The following CHRM3 variants were observed in gnomAD, a reference collection of about 807,000 sequenced individuals.
The protein encoded by CHRM3 is muscarinic acetylcholine receptor M3.
A neutral mutation model predicts 41.8 loss-of-function variants in CHRM3; 11 were observed. That is an observed-to-expected ratio of 0.26 (90% CI 0.17 to 0.44). CHRM3 has a LOEUF of 0.44. Ranked by LOEUF, CHRM3 falls within the 20% of genes least tolerant of loss-of-function variation. The pLI is 1.00. For synonymous variants in CHRM3, 297 were observed against 301.4 expected (o/e 0.99, Z 0.15); for missense variants, 571 against 745.4 (o/e 0.77, Z 2.72).
chr1:239,644,067 A>G (rs933383915), intron 4 of CHRM3, among the ~76,000 whole-genome samples: 3 of 152,206 alleles, frequency 2.0e-5, no homozygotes, highest in Non-Finnish European at 2.9e-5. Flanking sequence ...TCATTGACAA[A>G]TGTGATGTTG....
chr1:239,685,900 G>A (rs1341087626), intron 5 of CHRM3, among the ~76,000 whole-genome samples: 5 of 151,830 alleles, frequency 3.3e-5, no homozygotes, highest in African/African-American at 1.2e-4. Context: ...CCCTGTCACT[G>A]CCTCCTGCCA....
At chr1:239,536,915 C>T (rs1558300132) in intron 2 of CHRM3, among the ~76,000 whole-genome samples, 1 of 152,158 alleles carries the variant, frequency 6.6e-6, no homozygotes, top group African/African-American at 2.4e-5. Flanking sequence ...TGATAGAAAG[C>T]TTCACATTCC....
At chr1:239,438,879 C>T (rs1161521181) in intron 1 of CHRM3, among the ~76,000 whole-genome samples, 3 of 152,044 alleles carry the variant, frequency 2.0e-5, no homozygotes, top group Non-Finnish European at 4.4e-5. Flanking sequence ...AAATGTGCAC[C>T]AGTCATTAAA....
At chr1:239,889,262 C>G (rs779403084) in intron 6 of CHRM3, among the ~76,000 whole-genome samples, 24 of 152,032 alleles carry the variant, frequency 1.6e-4, no homozygotes, top group African/African-American at 5.3e-4. Context: ...GCTTAGGGCA[C>G]GAAAAACTGG....
intron 5 of CHRM3, among the ~76,000 whole-genome samples, chr1:239,731,642 A>G (rs750985386): frequency 1.3e-5 from 2 of 151,964 alleles, no homozygotes; most frequent in African/African-American, 2.4e-5. Flanking sequence ...GTGAATGTAT[A>G]TGGAAACTGT....
chr1:239,480,805 G>A (rs1015088755), intron 1 of CHRM3, among the ~76,000 whole-genome samples: 11 of 151,868 alleles, frequency 7.2e-5, no homozygotes, highest in Admixed American at 1.3e-4. Context: ...TGATCTGCCC[G>A]CCTCGGCCTC....
intron 3 of CHRM3, among the ~76,000 whole-genome samples, chr1:239,619,869 G>T (rs1668166588): frequency 6.6e-6 from 1 of 152,038 alleles, no homozygotes; most frequent in Non-Finnish European, 1.5e-5. Flanking sequence ...GAGATTCATG[G>T]ACTATAATTA....
At chr1:239,852,417 G>A (rs144205682) in intron 6 of CHRM3, among the ~76,000 whole-genome samples, 39 of 152,212 alleles carry the variant, frequency 2.6e-4, no homozygotes, top group African/African-American at 8.9e-4. Context: ...TGACATGCTT[G>A]TGCATGTGTA....
chr1:239,756,052 A>G (rs1666217868), intron 5 of CHRM3, among the ~76,000 whole-genome samples: 1 of 152,200 alleles, frequency 6.6e-6, no homozygotes, highest in African/African-American at 2.4e-5. Context: ...AAAAAACAAC[A>G]AATTCTCTAG....
At chr1:239,896,054 C>T (rs940356548) in intron 6 of CHRM3, among the ~76,000 whole-genome samples, 1 of 152,192 alleles carries the variant, frequency 6.6e-6, no homozygotes, top group Non-Finnish European at 1.5e-5. Context: ...CTGGGAAAGA[C>T]ATTTATGCTA....
intron 4 of CHRM3, among the ~76,000 whole-genome samples, chr1:239,676,823 A>C (rs1263362474): frequency 6.6e-6 from 1 of 152,212 alleles, no homozygotes; most frequent in African/African-American, 2.4e-5. Flanking sequence ...TCAAATTCTG[A>C]AAATTCTTGG....
At chr1:239,694,952 C>T (rs1158214050) in intron 5 of CHRM3, among the ~76,000 whole-genome samples, 2 of 146,120 alleles carry the variant, frequency 1.4e-5, no homozygotes, top group Non-Finnish European at 3.0e-5. Context: ...AAAAAATGAA[C>T]CATAGAAATG....
chr1:239,633,788 A>G (rs962399608), intron 4 of CHRM3, among the ~76,000 whole-genome samples: 3 of 151,830 alleles, frequency 2.0e-5, no homozygotes, highest in Non-Finnish European at 4.4e-5. Context: ...AGGAAGATAA[A>G]ATGAGCTTGA....
intron 6 of CHRM3, among the ~76,000 whole-genome samples, chr1:239,869,470 C>G (rs182717061): frequency 7.8e-4 from 119 of 152,140 alleles, no homozygotes; most frequent in Middle Eastern, 6.8e-3. Context: ...ATTTGTTCAC[C>G]CTGTGGCCTA....
chr1:239,845,121 C>T (rs1025785359), intron 6 of CHRM3, among the ~76,000 whole-genome samples: 1 of 152,118 alleles, frequency 6.6e-6, no homozygotes, highest in Non-Finnish European at 1.5e-5. Flanking sequence ...TTTTCCATTA[C>T]ACTCTACTTA....
At chr1:239,627,631 C>A (rs1286295230) in intron 3 of CHRM3, among the ~76,000 whole-genome samples, 1 of 144,404 alleles carries the variant, frequency 6.9e-6, no homozygotes, top group East Asian at 2.0e-4. Context: ...GATTTTGCAG[C>A]GGCTGGTACC....
chr1:239,644,137 A>G (rs2148937114), intron 4 of CHRM3, among the ~76,000 whole-genome samples: 1 of 152,336 alleles, frequency 6.6e-6, no homozygotes, highest in African/African-American at 2.4e-5. Flanking sequence ...AGTATCAAGT[A>G]TCTGAAAAAT....
rs1239751758 is a variant in CHRM3 at position 239,386,838 on chromosome 1, G to C, written c.-910G>C. The stretch of plus-strand genomic sequence containing the variant: ...AACAGAAAGGGCCGGAGCGTGCAGG[G>C]GAGCACAGGGCGCGGGGGCGGCACT... On this transcript the variant is annotated 5_prime_UTR_variant, in exon 1 of 7. Transcript: ENST00000676153. 4 of 152,168 alleles carry C rather than the reference G, an allele frequency of 2.6e-5. No homozygotes were observed. Among genetic ancestry groups the C allele is most frequent in the Admixed American group, 6.5e-5 (1 of 15,280 alleles). 9.4% of individuals were successfully genotyped at this position (152,168 alleles called of 1,614,324 possible).
rs139445828 is a variant in CHRM3 at position 239,767,928 on chromosome 1, G to A, written c.-146-59324G>A. ...TGGTTCACGTGGGCTGGAGTGGGAC[G>A]TGAGAGCCTGCATTTATAACAAGCC... On this transcript the variant is annotated intron_variant, in intron 5 of 6. Transcript: ENST00000676153. 9.2e-5 allele frequency among the ~76,000 whole-genome samples: 14 copies of A among 152,190 alleles called. No individual in the cohort carries two copies. The East Asian group carries it at 1.2e-3, about 13-fold the overall frequency.
Sources: allele counts gnomAD v4.1 joint callset (sites outside exome capture counted in the v4.1 genomes callset), GRCh38; gene constraint gnomAD v4.1.1; transcripts MANE v1.5; gene names NCBI Gene and HGNC (gene_info 2026-07-23, HGNC 2026-07-21).